TCF25: variants seen among roughly 807,000 people sequenced by gnomAD.
The protein encoded by TCF25 is ribosome quality control complex subunit TCF25.
A neutral mutation model predicts 83.1 loss-of-function variants in TCF25; 41 were observed. The ratio of observed to expected loss-of-function variants is 0.49; its 90% CI spans 0.38 to 0.64. The LOEUF (loss-of-function observed/expected upper bound fraction) is 0.64. Among genes scored for constraint, TCF25 ranks in the 30% least tolerant of loss-of-function variants. TCF25 has a pLI of 0.00. For missense variants in TCF25, 979 were observed against 914.5 expected (o/e 1.07, Z -0.91); for synonymous variants, 458 against 365.0 (o/e 1.25, Z -2.90).
chr16:89,885,495 C>A (rs891081948), intron 3 of TCF25, among the ~76,000 whole-genome samples: 1 of 152,190 alleles, frequency 6.6e-6, no homozygotes, highest in Non-Finnish European at 1.5e-5. Context: ...CATTGCCCTT[C>A]GTCCTCGTCT....
At chr16:89,898,489 C>T (rs916357726) in intron 9 of TCF25, 68 bp from the exon 10 acceptor site, 21 of 1,528,496 alleles carry the variant, frequency 1.4e-5, no homozygotes, top group East Asian at 6.8e-5. Context: ...GGGTGCTGGC[C>T]GGGGCGCTGA....
chr16:89,890,334 A>AT (rs2043332344), intron 5 of TCF25: 2 of 152,292 alleles, frequency 1.3e-5, no homozygotes, highest in African/African-American at 2.4e-5. Flanking sequence ...CTGCCCAAGA[A>AT]TGAGTATATA....
At chr16:89,895,935 C>T in intron 8 of TCF25, 55 bp from the exon 9 acceptor site, 2 of 1,483,660 alleles carry the variant, frequency 1.3e-6, no homozygotes, top group Non-Finnish European at 1.9e-6. Flanking sequence ...AGAGGAGGGG[C>T]CGTGGTTGCT....
chr16:89,908,598 C>G (rs1264429664), intron 16 of TCF25, among the ~76,000 whole-genome samples: 3 of 26,038 alleles, frequency 1.2e-4, no homozygotes, highest in Admixed American at 4.3e-4. Context: ...CCAGCTCCCG[C>G]CTCCCTCCTC....
In TCF25 at chr16:89,884,740, C is replaced by T. The variant is rs552465050; in HGVS notation, c.429+84C>T. ...CCTGACGCCCTCTCCCTCTGCCTGA[C>T]GCCCTCTCCCTCTGTCTGACGCCCT... On this transcript the variant is annotated intron_variant, in intron 3 of 17. Coordinates refer to ENST00000263346, the MANE Select transcript of TCF25 (RefSeq NM_014972.3). The T allele has an allele frequency of 1.4e-4, 174 of 1,261,108 alleles. 12 individuals are homozygous for T. The African/African-American group carries it at 1.9e-3, about 13-fold the overall frequency. The allele number at this position is 1,261,108 out of a possible 1,614,324, so 78.1% of individuals were successfully genotyped here. A position where few individuals can be genotyped will look rare whatever the true frequency, so the allele number is the denominator to read the frequency against.
chr16:89,884,211 G>A (rs573629639), intron 2 of TCF25: 19 of 244,320 alleles, frequency 7.8e-5, no homozygotes, highest in African/African-American at 3.0e-4. Flanking sequence ...AGGTGCAGGC[G>A]TAGGGGACCA....
chr16:89,878,458 T>TTTTTG, intron 1 of TCF25: 1 of 1,190,674 alleles, frequency 8.4e-7, no homozygotes, highest in Non-Finnish European at 1.1e-6. Flanking sequence ...TTTTTTTTTT[T>TTTTTG]AGGAAAAATG....
intron 1 of TCF25, among the ~76,000 whole-genome samples, chr16:89,876,161 C>T (rs1257207834): frequency 1.3e-5 from 2 of 152,076 alleles, no homozygotes; most frequent in African/African-American, 4.8e-5. Flanking sequence ...ACACTAACAG[C>T]CTCCATGGAT....
At position 89,893,723 on chromosome 16, in the gene TCF25, C is replaced by T; in HGVS notation, c.698-5C>T. 1 of 1,613,738 alleles carries T rather than the reference C, an allele frequency of 6.2e-7. No individual in the cohort carries two copies. Among genetic ancestry groups the T allele is most frequent in the Non-Finnish European group, 8.5e-7 (1 of 1,179,968 alleles). ...ACACCCTCCCTGAGCACTCTCCCCT[C>T]CCAGGTCTGTCCATGCGGCTGCTGG... On this transcript the variant is annotated splice_region_variant and splice_polypyrimidine_tract_variant and intron_variant, in intron 6 of 17. Transcript: ENST00000263346.
At chr16:89,873,888 T>TGTGGGGGGGGGGGCGGGGGGGGGGGG in intron 1 of TCF25, 29 bp downstream of exon 1, 1 of 482,246 alleles carries the variant, frequency 2.1e-6, no homozygotes, top group Non-Finnish European at 2.7e-6. Context: ...CGGGTGGGGG[T>TGTGGGGGGGGGGGCGGGGGGGGGGGG]GGGGTGGCCC....
At chr16:89,894,049 C>T (rs1473654102) in intron 7 of TCF25, 191 bp downstream of exon 7, 9 of 787,134 alleles carry the variant, frequency 1.1e-5, no homozygotes, top group African/African-American at 3.5e-5. Flanking sequence ...CTAGGCCAAG[C>T]GAGCTCCATC....
intron 2 of TCF25, 165 bp downstream of exon 2, chr16:89,883,677 T>C (rs1190973418): frequency 1.8e-5 from 14 of 774,148 alleles, no homozygotes; most frequent in Admixed American, 2.9e-5. Context: ...TGATGAGATT[T>C]GCATGAAATG....
chr16:89,896,368 A>T (rs1220589902), intron 9 of TCF25, among the ~76,000 whole-genome samples: 1 of 151,544 alleles, frequency 6.6e-6, no homozygotes, highest in Non-Finnish European at 1.5e-5. Flanking sequence ...CCATAGTGAG[A>T]CCCCCATCTC....
At chr16:89,904,680 C>A in intron 13 of TCF25, 1 of 598,362 alleles carries the variant, frequency 1.7e-6, no homozygotes, top group Non-Finnish European at 3.0e-6. Context: ...CGCAGATGGA[C>A]CCGCCCTGGG....
chr16:89,904,760 C>T (rs1436006616), intron 13 of TCF25, 178 bp from the exon 14 acceptor site: 1 of 754,464 alleles, frequency 1.3e-6, no homozygotes, highest in Admixed American at 2.0e-5. Flanking sequence ...AGGCTCACGG[C>T]ACATACCTGT....
At chr16:89,883,777 C>G in intron 2 of TCF25, 1 of 393,490 alleles carries the variant, frequency 2.5e-6, no homozygotes, top group Non-Finnish European at 4.7e-6. Context: ...TCCCTCCTAG[C>G]CAACCGCGCA....
rs186086167 is a variant in TCF25 at position 89,880,311 on chromosome 16, C to T, written c.193-3040C>T. ...AAGTAAATTGGGTGTTGGCCGGGCGCGGTGGCTCACGCCTGTAATCCCAGC... is the reference window on the plus strand; with the variant it reads ...AAGTAAATTGGGTGTTGGCCGGGCGTGGTGGCTCACGCCTGTAATCCCAGC... On this transcript the variant is annotated intron_variant, in intron 1 of 17. Coordinates refer to ENST00000263346, the MANE Select transcript of TCF25 (RefSeq NM_014972.3). 5.4e-4 allele frequency among the ~76,000 whole-genome samples: 83 copies of T among 152,294 alleles called. 2 individuals carry two copies. The Middle Eastern group carries it at 0.017, about 31-fold the overall frequency.
rs772656313 is a variant in TCF25, at chr16:89,884,699, C to T, written c.429+43C>T. On this transcript the variant is annotated intron_variant, in intron 3 of 17. Coordinates refer to ENST00000263346, the MANE Select transcript of TCF25 (RefSeq NM_014972.3). ...GGCTGTGCTCTGTCCCTCTGCCTGA[C>T]GCCCCTCTCCCTCTGCCTGACGCCC... 4.7e-5 allele frequency: 74 copies of T among 1,580,310 alleles called. No individual in the cohort carries two copies. The South Asian group carries it at 5.8e-4, about 12-fold the overall frequency.
At chr16:89,882,411 G>A (rs1395469063) in intron 1 of TCF25, among the ~76,000 whole-genome samples, 2 of 152,042 alleles carry the variant, frequency 1.3e-5, no homozygotes, top group Non-Finnish European at 2.9e-5. Flanking sequence ...GGTAGCTCAC[G>A]CCTGTAGTTC....
Sources: gnomAD v4.1 joint callset for allele counts (sites outside exome capture counted in the v4.1 genomes callset) on GRCh38, gnomAD v4.1.1 for gene constraint, MANE v1.5 for transcripts, NCBI Gene and HGNC (gene_info 2026-07-23, HGNC 2026-07-21) for gene names.